Variants in CD247 observed in about 807,000 individuals in gnomAD.
CD247 encodes the protein CD247 molecule.
A neutral mutation model predicts 30.0 loss-of-function variants in CD247; 13 were observed. The observed-to-expected ratio is 0.43, with a 90% CI of 0.28 to 0.69. CD247 has a LOEUF of 0.69. Among genes scored for constraint, CD247 ranks in the 30% least tolerant of loss-of-function variants. The probability of loss-of-function intolerance (pLI) is 0.16; values close to 1 mark genes in which losing one functional copy is unlikely to be tolerated. For missense variants in CD247, 193 were observed against 212.6 expected, an observed-to-expected ratio of 0.91 and a Z score of 0.57; for synonymous variants, 72 against 80.0, an observed-to-expected ratio of 0.90 and a Z score of 0.53.
chr1:167,463,116 G>T (rs372019965), intron 1 of CD247, among the ~76,000 whole-genome samples: 1 of 152,166 alleles, frequency 6.6e-6, no homozygotes, highest in Non-Finnish European at 1.5e-5. Context: ...GGTTCTGTTT[G>T]TGGCTTTTCT....
chr1:167,507,530 T>C (rs377343372), intron 1 of CD247, among the ~76,000 whole-genome samples: 7 of 144,106 alleles, frequency 4.9e-5, no homozygotes, highest in African/African-American at 1.6e-4. Context: ...AATGTTCAAC[T>C]CCAAATTTAA....
chr1:167,470,503 G>GT (rs1653464122), intron 1 of CD247, among the ~76,000 whole-genome samples: 1 of 38,278 alleles, frequency 2.6e-5, no homozygotes, highest in Non-Finnish European at 5.2e-5. Flanking sequence ...AATGTTAATT[G>GT]TAAAAAAAAA....
At chr1:167,434,436 TC>T in intron 5 of CD247, 1 of 373,282 alleles carries the variant, frequency 2.7e-6, no homozygotes, top group Non-Finnish European at 5.1e-6. Context: ...GCAAGTTGTC[TC>T]TTTACACAGC....
chr1:167,436,373 A>G (rs987217487), intron 4 of CD247, among the ~76,000 whole-genome samples: 1 of 152,232 alleles, frequency 6.6e-6, no homozygotes, highest in Non-Finnish European at 1.5e-5. Context: ...AGCAGGGAAA[A>G]GCTGAAGCCT....
At position 167,430,765 on chromosome 1, in the gene CD247, C is replaced by T. The variant is rs750054373; in HGVS notation, c.*916G>A. 7.5e-6 allele frequency: 3 copies of T among 398,600 alleles called. No individual in the cohort carries two copies. The highest frequency in any genetic ancestry group is 1.3e-5 in the Non-Finnish European group (3 of 226,112). The allele number at this position is 398,600 out of a possible 1,614,324, so 24.7% of individuals were successfully genotyped here. On this transcript the variant is annotated 3_prime_UTR_variant, in exon 8 of 8. Transcript: ENST00000362089. ...ATCCATGGCCTGTGCCCTGTAATGACGCAGCAGTATCCTAGTACATTGACG... is the reference window on the plus strand; with the variant it reads ...ATCCATGGCCTGTGCCCTGTAATGATGCAGCAGTATCCTAGTACATTGACG...
intron 1 of CD247, among the ~76,000 whole-genome samples, chr1:167,512,153 G>A (rs1242608252): frequency 6.6e-6 from 1 of 152,102 alleles, no homozygotes; most frequent in Non-Finnish European, 1.5e-5. Context: ...GGCTGCTTCG[G>A]GCAGTAATTT....
chr1:167,479,163 A>G (rs1484556866), intron 1 of CD247, among the ~76,000 whole-genome samples: 1 of 152,230 alleles, frequency 6.6e-6, no homozygotes, highest in African/African-American at 2.4e-5. Context: ...ATACTGTTTA[A>G]TCCCAACCAT....
rs186828945 is a variant in CD247, at chr1:167,488,560, G to A, written c.58+29848C>T. Among the ~76,000 whole-genome samples, 69 of 152,312 alleles carry A rather than the reference G, an allele frequency of 4.5e-4. 1 individual carries two copies. Among genetic ancestry groups the A allele is most frequent in the Admixed American group, 4.0e-3 (61 of 15,308 alleles). On this transcript the variant is annotated intron_variant, in intron 1 of 7. Coordinates refer to ENST00000362089, the MANE Select transcript of CD247 (RefSeq NM_198053.3). The stretch of plus-strand genomic sequence containing the variant: ...TCACCTGGGGGATGGAGTGGGATGA[G>A]GACCCTGATCAGACACTGAGGGGAA...
intron 7 of CD247, 131 bp from the exon 8 acceptor site, chr1:167,431,877 AATAATCCCCCTG>A: frequency 1.2e-6 from 1 of 802,730 alleles, no homozygotes. Context: ...GAGGCCCAGG[AATAATCCCCCTG>A]GCCCCACGGG....
At position 167,518,467 on chromosome 1, in the gene CD247, T is replaced by G. The variant is rs369409764; in HGVS notation, c.-2A>C. ...GGTGAAAAGCGCCTTCCACTTCATC[T>G]TGTCCTTTCCCTCAGAAAGAGGCTG... is the stretch of plus-strand genomic sequence containing the variant. On this transcript the variant is annotated 5_prime_UTR_variant, in exon 1 of 8. Coordinates refer to ENST00000362089, the MANE Select transcript of CD247 (RefSeq NM_198053.3). 20 of 1,613,916 alleles carry G rather than the reference T, an allele frequency of 1.2e-5. No individual in the cohort carries two copies. The highest frequency in any genetic ancestry group is 1.7e-5 in the Non-Finnish European group (20 of 1,180,004).
chr1:167,439,424 G>T, intron 2 of CD247, 24 bp from the exon 3 acceptor site: 1 of 1,613,342 alleles, frequency 6.2e-7, no homozygotes, highest in Non-Finnish European at 8.5e-7. Context: ...AGCAAAGCGC[G>T]TTACTGCTCC....
At chr1:167,434,190 G>A in intron 5 of CD247, 114 bp from the exon 6 acceptor site, 1 of 921,892 alleles carries the variant, frequency 1.1e-6, no homozygotes, top group Non-Finnish European at 1.8e-6. Flanking sequence ...CAGACAGGGA[G>A]GGCTCCCACA....
chr1:167,439,782 C>T (rs1651733475), intron 2 of CD247: 1 of 264,672 alleles, frequency 3.8e-6, no homozygotes, highest in Middle Eastern at 1.3e-3. Flanking sequence ...GGGTGGATGG[C>T]GGCTGGTCAA....
intron 1 of CD247, among the ~76,000 whole-genome samples, chr1:167,507,294 T>G (rs564188504): frequency 6.6e-6 from 1 of 151,662 alleles, no homozygotes; most frequent in African/African-American, 2.4e-5. Context: ...AGGGTCAAAG[T>G]TGGTAGAGAA....
intron 1 of CD247, 65 bp downstream of exon 1, chr1:167,518,343 C>G (rs1464843497): frequency 6.7e-7 from 1 of 1,483,306 alleles, no homozygotes; most frequent in Non-Finnish European, 9.4e-7. Context: ...ACTACCCACA[C>G]CCACTCCCCT....
chr1:167,433,137 T>G, intron 6 of CD247, 78 bp from the exon 7 acceptor site: 105 of 1,398,776 alleles, frequency 7.5e-5, no homozygotes, highest in Non-Finnish European at 9.8e-5. Context: ...CAAGGGCCCC[T>G]CCCAAGGTAC....
chr1:167,498,089 T>C (rs558967429), intron 1 of CD247, among the ~76,000 whole-genome samples: 53 of 152,332 alleles, frequency 3.5e-4, no homozygotes, highest in African/African-American at 1.2e-3. Flanking sequence ...TGTGGCATCT[T>C]CTGCCAGTCC....
In CD247 at chr1:167,500,817, C is replaced by G. The variant is rs138104897; in HGVS notation, c.58+17591G>C. On this transcript the variant is annotated intron_variant, in intron 1 of 7. Transcript: ENST00000362089. ...AGGGTTATCGGCCTTGAGGATACCC[C>G]CCAAGAAATGTTTGTGATTTTTGTT... 1.4e-4 allele frequency among the ~76,000 whole-genome samples: 21 copies of G among 152,280 alleles called. 1 individual carries two copies. Among genetic ancestry groups the G allele is most frequent in the Admixed American group, 4.6e-4 (7 of 15,300 alleles).
intron 1 of CD247, among the ~76,000 whole-genome samples, chr1:167,502,261 C>A (rs752980862): frequency 6.6e-6 from 1 of 152,202 alleles, no homozygotes; most frequent in Non-Finnish European, 1.5e-5. Context: ...GTGTGGTGCA[C>A]GGCCATCAGC....
Sources: gnomAD v4.1 joint callset for allele counts (sites outside exome capture counted in the v4.1 genomes callset) on GRCh38, gnomAD v4.1.1 for gene constraint, MANE v1.5 for transcripts, NCBI Gene and HGNC (gene_info 2026-07-23, HGNC 2026-07-21) for gene names.